Variants in CPQ observed in about 807,000 individuals in gnomAD.
CPQ encodes carboxypeptidase Q, also known as Ser-Met dipeptidase.
CPQ carries 37 observed loss-of-function variants against 45.7 expected under a neutral mutation model. The ratio of observed to expected loss-of-function variants is 0.81; its 90% CI spans 0.62 to 1.07. The LOEUF is 1.07. CPQ is among the 50% of genes least tolerant of loss of function. The pLI is 0.00. For synonymous variants in CPQ, 186 were observed against 205.8 expected (o/e 0.90, Z 0.82); for missense variants, 537 against 572.9 (o/e 0.94, Z 0.64).
chr8:96,905,440 C>T (rs1220324961), intron 4 of CPQ, among the ~76,000 whole-genome samples: 1 of 152,148 alleles, frequency 6.6e-6, no homozygotes, highest in Non-Finnish European at 1.5e-5. Flanking sequence ...GGCTTAAGAA[C>T]AGCTGATGAA....
chr8:96,784,819 G>T (rs1810739236), intron 1 of CPQ, 45 bp from the exon 2 acceptor site: 13 of 1,397,646 alleles, frequency 9.3e-6, no homozygotes, highest in Non-Finnish European at 1.3e-5. Flanking sequence ...GCAGATAGCT[G>T]TGAGATTCTT....
Position 97,114,608 on chromosome 8 carries a change from A to T in CPQ, c.1256-28412A>T, listed in dbSNP as rs115976674. On this transcript the variant is annotated intron_variant, in intron 7 of 7. Transcript: ENST00000220763. The stretch of plus-strand genomic sequence containing the variant: ...ATATCAAGTATATATCAAGAATTTC[A>T]TCCCTCATCCTAATGCATTAAACTC... Among the ~76,000 whole-genome samples the T allele has an allele frequency of 7.4e-3, 1,121 of 152,298 alleles. 10 individuals carry two copies. Among genetic ancestry groups the T allele is most frequent in the African/African-American group, 0.025 (1,048 of 41,568 alleles).
At chr8:96,993,186 C>T (rs1478303666) in intron 5 of CPQ, among the ~76,000 whole-genome samples, 1 of 152,168 alleles carries the variant, frequency 6.6e-6, no homozygotes, top group Non-Finnish European at 1.5e-5. Context: ...ATTAGTCTAA[C>T]TCTGCCACTT....
At chr8:96,922,726 A>T (rs574075000) in intron 4 of CPQ, among the ~76,000 whole-genome samples, 10 of 152,370 alleles carry the variant, frequency 6.6e-5, no homozygotes, top group African/African-American at 2.2e-4. Flanking sequence ...GAATGGAAAG[A>T]TGCTACATAT....
chr8:96,833,034 G>A (rs1811480679), intron 2 of CPQ, among the ~76,000 whole-genome samples: 1 of 152,072 alleles, frequency 6.6e-6, no homozygotes, highest in Non-Finnish European at 1.5e-5. Context: ...TAAGGGGGTT[G>A]AACAGAGTTC....
chr8:96,777,761 T>TATATATATATATATA (rs1491343688), intron 1 of CPQ, among the ~76,000 whole-genome samples: 12 of 12,890 alleles, frequency 9.3e-4, no homozygotes, highest in Admixed American at 1.4e-3. Context: ...TATATATATA[T>TATATATATATATATA]TTTTTTTTTT....
chr8:96,955,245 C>G (rs1202120021), intron 4 of CPQ, among the ~76,000 whole-genome samples: 2 of 152,168 alleles, frequency 1.3e-5, no homozygotes, highest in East Asian at 1.9e-4. Context: ...TTCTCCACAT[C>G]CTCTCCAGAA....
intron 4 of CPQ, among the ~76,000 whole-genome samples, chr8:96,933,910 G>A (rs1479004386): frequency 1.3e-5 from 2 of 152,146 alleles, no homozygotes; most frequent in Non-Finnish European, 2.9e-5. Context: ...TGGCTTCTCT[G>A]TGCCTCATCT....
chr8:96,893,447 G>A (rs1043781784), intron 4 of CPQ, among the ~76,000 whole-genome samples: 5 of 152,228 alleles, frequency 3.3e-5, no homozygotes, highest in African/African-American at 9.6e-5. Flanking sequence ...ACACTGTGCA[G>A]CACTAGTGCA....
At chr8:97,047,778 CTG>C (rs1490103969) in intron 6 of CPQ, among the ~76,000 whole-genome samples, 1 of 152,122 alleles carries the variant, frequency 6.6e-6, no homozygotes, top group African/African-American at 2.4e-5. Flanking sequence ...ATATGAAAAA[CTG>C]TTTCTAATAA....
chr8:97,099,738 T>C (rs940262677), intron 7 of CPQ, among the ~76,000 whole-genome samples: 84 of 152,322 alleles, frequency 5.5e-4, no homozygotes, highest in African/African-American at 1.9e-3. Flanking sequence ...TTTCTGGTCA[T>C]GTCTCTGCGA....
At chr8:96,879,153 G>A (rs1347320166) in intron 3 of CPQ, among the ~76,000 whole-genome samples, 4 of 152,218 alleles carry the variant, frequency 2.6e-5, no homozygotes, top group Non-Finnish European at 4.4e-5. Flanking sequence ...GACCAGTTGG[G>A]ATGGTATTTC....
At chr8:97,010,380 G>A (rs1266623400) in intron 5 of CPQ, among the ~76,000 whole-genome samples, 2 of 152,118 alleles carry the variant, frequency 1.3e-5, no homozygotes, top group Non-Finnish European at 2.9e-5. Context: ...CTGTGACATT[G>A]TGCAAATTGC....
At chr8:97,031,445 C>T (rs964759194) in intron 6 of CPQ, among the ~76,000 whole-genome samples, 2 of 152,072 alleles carry the variant, frequency 1.3e-5, no homozygotes, top group African/African-American at 4.8e-5. Context: ...CTCGGCCTCC[C>T]AAAGTGCTGG....
intron 3 of CPQ, among the ~76,000 whole-genome samples, chr8:96,843,609 T>C (rs1348105547): frequency 6.6e-6 from 1 of 152,212 alleles, no homozygotes; most frequent in East Asian, 1.9e-4. Context: ...AGACAGACTG[T>C]GTGTCTTACT....
chr8:96,690,546 A>G (rs567493287), intron 1 of CPQ, among the ~76,000 whole-genome samples: 7 of 152,298 alleles, frequency 4.6e-5, no homozygotes, highest in South Asian at 2.1e-4. Context: ...TGCAACTACT[A>G]TCATTATTCC....
chr8:96,681,395 C>T (rs1010494850), intron 1 of CPQ, among the ~76,000 whole-genome samples: 1 of 152,218 alleles, frequency 6.6e-6, no homozygotes, highest in Non-Finnish European at 1.5e-5. Context: ...TGGGCTGTTG[C>T]TTCGCAGGGT....
At chr8:97,007,803 T>C (rs1394981432) in intron 5 of CPQ, among the ~76,000 whole-genome samples, 2 of 152,172 alleles carry the variant, frequency 1.3e-5, no homozygotes, top group Non-Finnish European at 2.9e-5. Context: ...TTTTTCTTAT[T>C]TGGGAACTTC....
intron 7 of CPQ, among the ~76,000 whole-genome samples, chr8:97,070,209 C>G (rs1810716242): frequency 6.6e-6 from 1 of 152,144 alleles, no homozygotes; most frequent in Non-Finnish European, 1.5e-5. Context: ...AAGGCTCATT[C>G]TGTATTCACT....
Sources: allele counts gnomAD v4.1 joint callset (sites outside exome capture counted in the v4.1 genomes callset), GRCh38; gene constraint gnomAD v4.1.1; transcripts MANE v1.5; gene names NCBI Gene and HGNC (gene_info 2026-07-23, HGNC 2026-07-21).